C12orf56: variants seen among roughly 807,000 people sequenced by gnomAD.
The protein encoded by C12orf56 is uncharacterized protein C12orf56.
Under a neutral mutation model 69.9 loss-of-function variants are expected in C12orf56, and 71 were observed. The observed-to-expected ratio is 1.02, with a 90% confidence interval of 0.84 to 1.24. C12orf56 has a LOEUF of 1.24. C12orf56 is among the 50% of genes most tolerant of loss of function. The pLI is 0.00. For synonymous variants in C12orf56, 276 were observed against 274.1 expected (o/e 1.01, Z -0.07); for missense variants, 732 against 738.5 (o/e 0.99, Z 0.10).
At chr12:64,295,894 A>G (rs1266069584) in intron 6 of C12orf56, among the ~76,000 whole-genome samples, 1 of 151,968 alleles carries the variant, frequency 6.6e-6, no homozygotes, top group Non-Finnish European at 1.5e-5. Flanking sequence ...ATATATGTGT[A>G]TAATTTTCCA....
chr12:64,366,289 CAGTTTAT>C (rs2039483318), intron 1 of C12orf56, among the ~76,000 whole-genome samples: 1 of 88,440 alleles, frequency 1.1e-5, no homozygotes, highest in Non-Finnish European at 2.0e-5. Flanking sequence ...ATATAATATA[CAGTTTAT>C]ATATTATATA....
intron 1 of C12orf56, among the ~76,000 whole-genome samples, chr12:64,386,398 ATTT>A (rs768370363): frequency 2.3e-5 from 2 of 87,336 alleles, no homozygotes; most frequent in African/African-American, 5.0e-5. Flanking sequence ...ATATATATAT[ATTT>A]TTTTTTTTTT....
At chr12:64,360,529 T>C (rs185235715) in intron 1 of C12orf56, among the ~76,000 whole-genome samples, 27 of 152,236 alleles carry the variant, frequency 1.8e-4, no homozygotes, top group African/African-American at 5.8e-4. Context: ...AGATAGATGA[T>C]AGATAGATAG....
At chr12:64,278,852 C>T (rs2038088845) in intron 8 of C12orf56, among the ~76,000 whole-genome samples, 1 of 152,120 alleles carries the variant, frequency 6.6e-6, no homozygotes, top group South Asian at 2.1e-4. Context: ...TGCATGAACT[C>T]AAAAGTCAAA....
intron 1 of C12orf56, among the ~76,000 whole-genome samples, chr12:64,372,738 C>A (rs1001624358): frequency 6.6e-6 from 1 of 152,172 alleles, no homozygotes; most frequent in Non-Finnish European, 1.5e-5. Flanking sequence ...GGGTCTCAAA[C>A]TCCTGACCTC....
chr12:64,324,844 G>A (rs1471009314), intron 3 of C12orf56, among the ~76,000 whole-genome samples: 1 of 152,162 alleles, frequency 6.6e-6, no homozygotes, highest in African/African-American at 2.4e-5. Context: ...TTTGGCAGTG[G>A]AGATAGAAGT....
intron 9 of C12orf56, 80 bp downstream of exon 9, chr12:64,277,600 G>A (rs372543219): frequency 2.1e-6 from 2 of 944,912 alleles, no homozygotes; most frequent in South Asian, 4.9e-5. Context: ...ATTCTACGGT[G>A]TCATGGTCCA....
rs1321483702 is a variant in C12orf56 at position 64,277,932 on chromosome 12, A to C, written c.1311-129T>G. The C allele has an allele frequency of 6.4e-6, 4 of 627,526 alleles. No homozygotes were observed. The East Asian group carries it at 1.4e-4, about 23-fold the overall frequency. The allele number at this position is 627,526 out of a possible 1,614,324, so 38.9% of individuals were successfully genotyped here. A position where few individuals can be genotyped will look rare whatever the true frequency, so the allele number is the denominator to read the frequency against. On this transcript the variant is annotated intron_variant, in intron 8 of 12. Transcript: ENST00000543942. ...AGCATTGCAGACCATCCTTGACTGAAGTTTTGGATCCTTGGACACGCAAAT... is the reference window on the plus strand; with the variant it reads ...AGCATTGCAGACCATCCTTGACTGACGTTTTGGATCCTTGGACACGCAAAT...
chr12:64,303,287 T>C (rs968126134), intron 6 of C12orf56, among the ~76,000 whole-genome samples: 3 of 150,078 alleles, frequency 2.0e-5, no homozygotes, highest in African/African-American at 7.4e-5. Flanking sequence ...AAATAAAAAA[T>C]AAACAAAAAC....
intron 2 of C12orf56, among the ~76,000 whole-genome samples, chr12:64,345,063 G>A (rs193084934): frequency 1.3e-5 from 2 of 152,146 alleles, no homozygotes; most frequent in East Asian, 3.9e-4. Flanking sequence ...CCATTCCCAT[G>A]TCTGTTCTCC....
intron 4 of C12orf56, among the ~76,000 whole-genome samples, chr12:64,314,086 A>ATT (rs1324070750): frequency 1.4e-5 from 2 of 143,840 alleles, no homozygotes; most frequent in Non-Finnish European, 1.5e-5. Flanking sequence ...ATTTACTTCA[A>ATT]TTTTTTTTTT....
chr12:64,390,325 C>G lies in C12orf56; in HGVS notation c.241G>C (p.Ala81Pro). Residue 81 changes from alanine to proline, a missense_variant, in exon 1 of 13, where the codon GCC becomes CCC. Ala to Pro is a conservative substitution (Grantham distance 27). Coordinates refer to ENST00000543942, the MANE Select transcript of C12orf56 (RefSeq NM_001170633.2). Reference protein sequence around the residue: ...RRVVALRDVVAIDLIDDYPEF... With the variant: ...RRVVALRDVVPIDLIDDYPEF... ...CCCGCGCCGCTCACCAGGTCAATGG[C>G]CACGACGTCCCGCAGAGCCACTACC... 1 of 1,609,300 alleles carries G rather than the reference C, an allele frequency of 6.2e-7. No individual in the cohort carries two copies. Among genetic ancestry groups the G allele is most frequent in the Non-Finnish European group, 8.5e-7 (1 of 1,178,864 alleles).
rs1224109917 is a variant in C12orf56, at chr12:64,266,509, TAGGCCCAGACCA to T, written c.*662_*673del. 3.7e-6 allele frequency: 1 copy of T among 269,160 alleles called. No homozygotes were observed. Among genetic ancestry groups the T allele is most frequent in the African/African-American group, 2.3e-5 (1 of 44,356 alleles). 16.7% of individuals were successfully genotyped at this position (269,160 alleles called of 1,614,324 possible). On this transcript the variant is annotated 3_prime_UTR_variant, in exon 13 of 13. Coordinates refer to ENST00000543942, the MANE Select transcript of C12orf56 (RefSeq NM_001170633.2). ...GGATGAGATCTTGAGTGAGTGACCT[TAGGCCCAGACCA>T]AGCTGTAATTCCAGAAGTGGCGTGG...
chr12:64,365,752 AATAT>A (rs2039461843), intron 1 of C12orf56, among the ~76,000 whole-genome samples: 3 of 143,762 alleles, frequency 2.1e-5, no homozygotes, highest in Non-Finnish European at 4.5e-5. Context: ...TAATATATAT[AATAT>A]ATAGTTTATA....
chr12:64,307,852 AAATT>A (rs998876863), intron 5 of C12orf56, among the ~76,000 whole-genome samples: 1 of 148,048 alleles, frequency 6.8e-6, no homozygotes, highest in Non-Finnish European at 1.5e-5. Flanking sequence ...ATAAATAAAT[AAATT>A]AATTAATTAA....
chr12:64,371,633 C>A (rs890745633), intron 1 of C12orf56, among the ~76,000 whole-genome samples: 6 of 151,708 alleles, frequency 4.0e-5, no homozygotes, highest in African/African-American at 9.7e-5. Flanking sequence ...GAGTTTGAGA[C>A]CAGCCCGGCT....
intron 1 of C12orf56, among the ~76,000 whole-genome samples, chr12:64,388,153 G>A (rs535029643): frequency 6.6e-6 from 1 of 152,138 alleles, no homozygotes; most frequent in South Asian, 2.1e-4. Context: ...GCCCAGGCTG[G>A]TCTCGAACTC....
rs1208822429 is a variant in C12orf56 at position 64,388,436 on chromosome 12, G to C, written c.252+1878C>G. Among the ~76,000 whole-genome samples the C allele has an allele frequency of 2.6e-5, 4 of 151,456 alleles. No individual in the cohort carries two copies. In the East Asian group the frequency reaches 7.7e-4, roughly 29 times the overall value. On this transcript the variant is annotated intron_variant, in intron 1 of 12. Transcript: ENST00000543942. ...TATTTATTTTTATTTTTGTAGAGAC[G>C]GTGTCTTGCTAGGTTACCTAAGTCT...
chr12:64,311,728 G>A (rs1347926291), intron 5 of C12orf56, among the ~76,000 whole-genome samples: 1 of 152,162 alleles, frequency 6.6e-6, no homozygotes, highest in Non-Finnish European at 1.5e-5. Flanking sequence ...AAAATAAAAA[G>A]AGATGTCATA....
Sources: gnomAD v4.1 joint callset for allele counts (sites outside exome capture counted in the v4.1 genomes callset) on GRCh38, gnomAD v4.1.1 for gene constraint, MANE v1.5 for transcripts, NCBI Gene and HGNC (gene_info 2026-07-23, HGNC 2026-07-21) for gene names.